PIP5K1B: variants seen among roughly 807,000 people sequenced by gnomAD.
The protein encoded by PIP5K1B is phosphatidylinositol-4-phosphate 5-kinase type 1 beta, also known as phosphatidylinositol 4-phosphate 5-kinase type-1 beta.
In PIP5K1B, 42 loss-of-function variants were observed where a neutral mutation model predicts 67.0. That is an observed-to-expected ratio of 0.63 (90% CI 0.49 to 0.81). The LOEUF is 0.81. Among genes scored for constraint, PIP5K1B ranks in the 30% least tolerant of loss-of-function variants. The probability of loss-of-function intolerance (pLI) is 0.00; values close to 1 mark genes in which losing one functional copy is unlikely to be tolerated. For missense variants in PIP5K1B, 459 were observed against 646.3 expected, an observed-to-expected ratio of 0.71 and a Z score of 3.14; for synonymous variants, 214 against 231.4, an observed-to-expected ratio of 0.92 and a Z score of 0.68.
intron 8 of PIP5K1B, 32 bp from the exon 9 acceptor site, chr9:68,917,516 T>C (rs1241866630): frequency 6.5e-7 from 1 of 1,545,324 alleles, no homozygotes; most frequent in Non-Finnish European, 8.9e-7. Context: ...GCCTTTGGGT[T>C]GACTGGCTTC....
In PIP5K1B at chr9:68,884,220, T is replaced by C. The variant is rs368756083; in HGVS notation, c.319-4761T>C. Among the ~76,000 whole-genome samples, 33 of 152,178 alleles carry C rather than the reference T, an allele frequency of 2.2e-4. No individual in the cohort carries two copies. The East Asian group carries it at 5.6e-3, about 26-fold the overall frequency. Reference sequence around the variant, plus strand: ...CAGAGTGAAGAGACAATCTACAGATTGGGTAAAAATATTTGCAAATAACGC... The same window carrying C: ...CAGAGTGAAGAGACAATCTACAGATCGGGTAAAAATATTTGCAAATAACGC... On this transcript the variant is annotated intron_variant, in intron 6 of 15. Coordinates refer to ENST00000265382, the MANE Select transcript of PIP5K1B (RefSeq NM_003558.4).
chr9:68,938,721 C>A (rs746543556), intron 13 of PIP5K1B, among the ~76,000 whole-genome samples: 1 of 152,138 alleles, frequency 6.6e-6, no homozygotes, highest in African/African-American at 2.4e-5. Flanking sequence ...TTCATGTTGT[C>A]GGCAGAATTC....
intron 1 of PIP5K1B, 22 bp from the exon 2 acceptor site, chr9:68,742,479 C>T (rs1829060751): frequency 6.6e-6 from 1 of 152,110 alleles, no homozygotes; most frequent in Non-Finnish European, 1.5e-5. Context: ...TTGAGGTAGG[C>T]ATTATTATTT....
chr9:68,884,467 A>T (rs1220895417), intron 6 of PIP5K1B, among the ~76,000 whole-genome samples: 4 of 152,016 alleles, frequency 2.6e-5, no homozygotes, highest in African/African-American at 7.3e-5. Context: ...GTTTGAGACT[A>T]GGCTGGGCAA....
intron 13 of PIP5K1B, among the ~76,000 whole-genome samples, chr9:68,937,567 T>C (rs1019570216): frequency 5.9e-5 from 9 of 152,172 alleles, no homozygotes; most frequent in African/African-American, 1.4e-4. Flanking sequence ...CCTGGATGCA[T>C]TGATTTTTTT....
intron 3 of PIP5K1B, among the ~76,000 whole-genome samples, chr9:68,820,611 C>T (rs1833688495): frequency 2.0e-5 from 3 of 151,996 alleles, no homozygotes; most frequent in South Asian, 2.1e-4. Context: ...TAGCATATGC[C>T]GTGTTTATTA....
chr9:68,996,561 A>G (rs2132993912), intron 15 of PIP5K1B, among the ~76,000 whole-genome samples: 1 of 152,344 alleles, frequency 6.6e-6, no homozygotes, highest in Non-Finnish European at 1.5e-5. Context: ...AAAATGGGCA[A>G]TCACGCAGTC....
chr9:68,719,674 A>G (rs1035751902), intron 1 of PIP5K1B, among the ~76,000 whole-genome samples: 3 of 152,218 alleles, frequency 2.0e-5, no homozygotes, highest in Non-Finnish European at 4.4e-5. Context: ...CTAAGGGTTA[A>G]GAGAGAAACA....
At chr9:68,801,473 G>A (rs1181147957) in intron 2 of PIP5K1B, among the ~76,000 whole-genome samples, 1 of 152,178 alleles carries the variant, frequency 6.6e-6, no homozygotes, top group Non-Finnish European at 1.5e-5. Context: ...TCCGCACAGT[G>A]GTGGGTGTTG....
chr9:68,798,376 T>TG (rs2132523672), intron 2 of PIP5K1B, among the ~76,000 whole-genome samples: 1 of 152,352 alleles, frequency 6.6e-6, no homozygotes, highest in East Asian at 1.9e-4. Context: ...GTTAAGCTGC[T>TG]GGCTTCATGG....
intron 8 of PIP5K1B, among the ~76,000 whole-genome samples, chr9:68,906,236 C>T (rs925591078): frequency 1.3e-5 from 2 of 152,168 alleles, no homozygotes; most frequent in African/African-American, 4.8e-5. Context: ...CTAATTTGGT[C>T]TGGAACTCCT....
intron 4 of PIP5K1B, among the ~76,000 whole-genome samples, chr9:68,825,750 A>C (rs1358293908): frequency 1.3e-5 from 2 of 152,192 alleles, no homozygotes; most frequent in Admixed American, 6.5e-5. Flanking sequence ...GAGGCAAGAC[A>C]TGAAAACAGT....
At chr9:68,955,738 T>C (rs1483680692) in intron 14 of PIP5K1B, among the ~76,000 whole-genome samples, 1 of 152,204 alleles carries the variant, frequency 6.6e-6, no homozygotes, top group African/African-American at 2.4e-5. Flanking sequence ...TATAGCACTT[T>C]TATAGTAATA....
Position 68,965,381 on chromosome 9 carries a change from A to G in PIP5K1B, c.1502+24591A>G, listed in dbSNP as rs138484177. 6.0e-3 allele frequency among the ~76,000 whole-genome samples: 921 copies of G among 152,346 alleles called. 6 individuals carry two copies. The highest frequency in any genetic ancestry group is 0.01 in the Non-Finnish European group (691 of 68,032). ...CTCACCATTGCCACTTCTGATGGAT[A>G]GTCTAGTTCTGCAAGACCAAGCCTT... On this transcript the variant is annotated intron_variant, in intron 14 of 15. Coordinates refer to ENST00000265382, the MANE Select transcript of PIP5K1B (RefSeq NM_003558.4).
chr9:68,748,435 T>G (rs2132340400), intron 2 of PIP5K1B, among the ~76,000 whole-genome samples: 1 of 152,268 alleles, frequency 6.6e-6, no homozygotes, highest in South Asian at 2.1e-4. Flanking sequence ...TACTTTAGAC[T>G]CAGGAAGAAG....
chr9:68,991,634 G>T (rs746698291), intron 15 of PIP5K1B, among the ~76,000 whole-genome samples: 1 of 152,192 alleles, frequency 6.6e-6, no homozygotes, highest in Non-Finnish European at 1.5e-5. Flanking sequence ...TAGGCCGAGA[G>T]GCGCAGAACT....
chr9:68,880,797 C>A (rs940640833), intron 6 of PIP5K1B, among the ~76,000 whole-genome samples: 27 of 152,284 alleles, frequency 1.8e-4, no homozygotes, highest in Admixed American at 1.4e-3. Context: ...AACATAACTA[C>A]CTGGTCCCCA....
rs143726902 is a variant in PIP5K1B at position 68,876,734 on chromosome 9, C to T, written c.258C>T (p.Tyr86=). Residue 86 remains tyrosine, a synonymous_variant, in exon 6 of 16, where the codon TAC becomes TAT. Coordinates refer to ENST00000265382, the MANE Select transcript of PIP5K1B (RefSeq NM_003558.4). ...ACCCAGACTTTAGATTTAAGACATA[C>T]GCTCCATTAGCATTCCGATATTTCA... is the stretch of plus-strand genomic sequence containing the variant. ...HHYPDFRFKT[Y]APLAFRYFRE... is the part of the protein sequence containing the mutation. 81 of 1,610,898 alleles carry T rather than the reference C, an allele frequency of 5.0e-5. No individual in the cohort carries two copies. In the African/African-American group the frequency reaches 6.9e-4, roughly 14 times the overall value.
chr9:68,779,161 GAACA>G (rs1277041933), intron 2 of PIP5K1B, among the ~76,000 whole-genome samples: 2 of 151,538 alleles, frequency 1.3e-5, no homozygotes, highest in Non-Finnish European at 2.9e-5. Context: ...CTGAATAAAT[GAACA>G]AATAAACTCA....
Sources: gnomAD v4.1 joint callset for allele counts (sites outside exome capture counted in the v4.1 genomes callset) on GRCh38, gnomAD v4.1.1 for gene constraint, MANE v1.5 for transcripts, NCBI Gene and HGNC (gene_info 2026-07-23, HGNC 2026-07-21) for gene names.